Variants in DHRSX observed in about 807,000 individuals in gnomAD.
DHRSX encodes dehydrogenase/reductase X-linked.
DHRSX carries 31 observed loss-of-function variants against 34.0 expected under a neutral mutation model. The observed-to-expected ratio is 0.91, with a 90% CI of 0.69 to 1.23. The LOEUF is 1.23. Among genes scored for constraint, DHRSX ranks in the 50% most tolerant of loss-of-function variants. DHRSX has a pLI of 0.00. For synonymous variants in DHRSX, 201 were observed against 183.8 expected, an observed-to-expected ratio of 1.09 and a Z score of -0.76; for missense variants, 414 against 428.1, an observed-to-expected ratio of 0.97 and a Z score of 0.29.
rs142073881 is a variant in DHRSX, at chrX:2,257,537, A to G, written c.596+9203T>C. 2.3e-3 allele frequency among the ~76,000 whole-genome samples: 345 copies of G among 152,246 alleles called. 1 individual carries two copies. The highest frequency in any genetic ancestry group is 8.0e-3 in the African/African-American group (334 of 41,574). On this transcript the variant is annotated intron_variant, in intron 5 of 6. Transcript: ENST00000334651. ...TACCAAGGGGACCTGGGCGTATCTC[A>G]TGGACTGAATTACGTCTCCCCAGAT... is the stretch of plus-strand genomic sequence containing the variant.
At chrX:2,411,473 A>G (rs1257903265) in intron 2 of DHRSX, among the ~76,000 whole-genome samples, 2 of 150,750 alleles carry the variant, frequency 1.3e-5, no homozygotes, top group Non-Finnish European at 1.5e-5. Context: ...TGCTTGAACC[A>G]GGACCCGGGA....
intron 3 of DHRSX, among the ~76,000 whole-genome samples, chrX:2,363,276 C>T (rs1014029658): frequency 7.4e-6 from 1 of 135,808 alleles, no homozygotes; most frequent in African/African-American, 2.9e-5. Context: ...CATTTTATCA[C>T]CGTTCTATGG....
chrX:2,403,134 C>T (rs1475985468), intron 3 of DHRSX, among the ~76,000 whole-genome samples: 2 of 152,180 alleles, frequency 1.3e-5, no homozygotes, highest in Non-Finnish European at 2.9e-5. Flanking sequence ...CCACCTGCCT[C>T]GGCTTTCCAA....
chrX:2,421,204 C>G (rs1220495434), intron 2 of DHRSX, among the ~76,000 whole-genome samples: 2 of 152,046 alleles, frequency 1.3e-5, no homozygotes. Context: ...CATGGTGAGG[C>G]CCCATCTCTA....
chrX:2,352,272 G>C (rs1683856915), intron 3 of DHRSX, among the ~76,000 whole-genome samples: 1 of 152,078 alleles, frequency 6.6e-6, no homozygotes, highest in Non-Finnish European at 1.5e-5. Context: ...GGCTTTGTGG[G>C]TATTTTGCAA....
chrX:2,239,855 G>A (rs2016100379), intron 6 of DHRSX, among the ~76,000 whole-genome samples: 2 of 152,186 alleles, frequency 1.3e-5, no homozygotes, highest in African/African-American at 4.8e-5. Context: ...ATTCATGGGG[G>A]TTTTATAAGG....
chrX:2,366,985 A>G (rs73191307), intron 3 of DHRSX, among the ~76,000 whole-genome samples: 3,900 of 152,158 alleles, frequency 0.026, 71 homozygotes, highest in Non-Finnish European at 0.036. Flanking sequence ...GAGGATGTGT[A>G]TGTGCGGTTT....
chrX:2,493,091 A>AG (rs2045197676), intron 1 of DHRSX, among the ~76,000 whole-genome samples: 1 of 152,160 alleles, frequency 6.6e-6, no homozygotes, highest in South Asian at 2.1e-4. Flanking sequence ...GGGTGCAAGG[A>AG]GGGGGGTCCT....
intron 5 of DHRSX, among the ~76,000 whole-genome samples, chrX:2,253,918 G>A (rs1160882146): frequency 2.0e-5 from 3 of 152,100 alleles, no homozygotes; most frequent in African/African-American, 2.4e-5. Flanking sequence ...AAAATTAGCC[G>A]GGTGTGGTGG....
chrX:2,285,552 C>T (rs1004814025), intron 4 of DHRSX, among the ~76,000 whole-genome samples: 1 of 151,560 alleles, frequency 6.6e-6, no homozygotes, highest in African/African-American at 2.4e-5. Flanking sequence ...ACAGATGAAG[C>T]TTTGCTTGTT....
chrX:2,464,199 G>A (rs1169734148), intron 1 of DHRSX, among the ~76,000 whole-genome samples: 2 of 86,362 alleles, frequency 2.3e-5, no homozygotes, highest in African/African-American at 2.7e-4. Context: ...ATGTGGCTAA[G>A]GGACCGCCGT....
intron 2 of DHRSX, among the ~76,000 whole-genome samples, chrX:2,415,172 TC>T (rs2043678522): frequency 6.6e-6 from 1 of 151,592 alleles, no homozygotes; most frequent in Non-Finnish European, 1.5e-5. Flanking sequence ...CATGACCTAA[TC>T]CAACTAGATC....
At chrX:2,445,248 G>A (rs1343978322) in intron 1 of DHRSX, among the ~76,000 whole-genome samples, 3 of 152,108 alleles carry the variant, frequency 2.0e-5, no homozygotes, top group African/African-American at 7.2e-5. Flanking sequence ...GGCAATTTCC[G>A]AAAAAGTTGC....
Position 2,402,686 on chromosome X carries a change from G to C in DHRSX, c.286+6059C>G, listed in dbSNP as rs146316306. Among the ~76,000 whole-genome samples, 1,138 of 145,874 alleles carry C rather than the reference G, an allele frequency of 7.8e-3. 16 individuals carry two copies. The highest frequency in any genetic ancestry group is 0.028 in the African/African-American group (1,071 of 38,890). On this transcript the variant is annotated intron_variant, in intron 3 of 6. Transcript: ENST00000334651. ...ACTGATGAATGTCCAAACCTGTTCA[G>C]ATTTTAAACTTTTTTCTTTTAAAAA...
At chrX:2,233,201 G>A (rs1314550215) in intron 6 of DHRSX, among the ~76,000 whole-genome samples, 1 of 152,276 alleles carries the variant, frequency 6.6e-6, no homozygotes, top group South Asian at 2.1e-4. Context: ...ATCTGCCGCT[G>A]TGCAGCTGTG....
chrX:2,340,360 C>G (rs921308213), intron 3 of DHRSX, among the ~76,000 whole-genome samples: 2 of 152,008 alleles, frequency 1.3e-5, no homozygotes, highest in Non-Finnish European at 2.9e-5. Flanking sequence ...GTAATAGTCT[C>G]CAGTCTCATC....
intron 1 of DHRSX, among the ~76,000 whole-genome samples, chrX:2,429,430 T>C (rs1251565803): frequency 7.1e-6 from 1 of 141,714 alleles, no homozygotes. Flanking sequence ...GCAGCAAGTA[T>C]CCATCCTGTT....
At chrX:2,237,817 T>C (rs2016051734) in intron 6 of DHRSX, among the ~76,000 whole-genome samples, 1 of 152,128 alleles carries the variant, frequency 6.6e-6, no homozygotes, top group Admixed American at 6.6e-5. Context: ...AGCTCTTTTT[T>C]GTAACACCCA....
At chrX:2,313,003 T>C (rs2042181562) in intron 3 of DHRSX, among the ~76,000 whole-genome samples, 1 of 96,314 alleles carries the variant, frequency 1.0e-5, no homozygotes, top group South Asian at 2.8e-4. Context: ...CTTCAAGATA[T>C]ATATTTTTTT....
Sources: gnomAD v4.1 joint callset for allele counts (sites outside exome capture counted in the v4.1 genomes callset) on GRCh38, gnomAD v4.1.1 for gene constraint, MANE v1.5 for transcripts, NCBI Gene and HGNC (gene_info 2026-07-23, HGNC 2026-07-21) for gene names.